Variants in DIAPH1 observed in about 807,000 individuals in gnomAD.
DIAPH1 encodes the protein protein diaphanous homolog 1.
Under a neutral mutation model 140.7 loss-of-function variants are expected in DIAPH1, and 46 were observed. The observed-to-expected ratio is 0.33, with a 90% CI of 0.26 to 0.42. The LOEUF is 0.42. DIAPH1 is among the 10% of genes least tolerant of loss of function. The pLI is 1.00. For missense variants in DIAPH1, 1,310 were observed against 1,558.7 expected, an observed-to-expected ratio of 0.84 and a Z score of 2.69; for synonymous variants, 565 against 551.6, an observed-to-expected ratio of 1.02 and a Z score of -0.34.
At chr5:141,562,616 A>C (rs71583652) in intron 18 of DIAPH1, among the ~76,000 whole-genome samples, 27,181 of 140,928 alleles carry the variant, frequency 0.19, 2,973 homozygotes, top group Admixed American at 0.31. Context: ...CAAAAAAAAA[A>C]AAACAAACAA....
chr5:141,612,115 C>T (rs544555808), intron 1 of DIAPH1, among the ~76,000 whole-genome samples: 1 of 152,224 alleles, frequency 6.6e-6, no homozygotes, highest in Non-Finnish European at 1.5e-5. Flanking sequence ...ACTGAGATAT[C>T]ATCACATACC....
chr5:141,527,699 T>TAAAAAAA lies in DIAPH1; in HGVS notation c.3149-9_3149-3dup, dbSNP rs79558427. 283 of 1,131,890 alleles carry TAAAAAAA rather than the reference T, an allele frequency of 2.5e-4. No individual in the cohort carries two copies. Among genetic ancestry groups the TAAAAAAA allele is most frequent in the African/African-American group, 3.9e-4 (16 of 40,898 alleles). 70.1% of individuals were successfully genotyped at this position (1,131,890 alleles called of 1,614,324 possible). On this transcript the variant is annotated splice_polypyrimidine_tract_variant and splice_region_variant and intron_variant, in intron 23 of 27. Coordinates refer to ENST00000389054, the MANE Select transcript of DIAPH1 (RefSeq NM_005219.5). ...TCTTTTGCAAGTTTTCAGCAGAAACTAAAAAAAAAAAAAAAAAAAAAAACC... is the reference window on the plus strand; with the variant it reads ...TCTTTTGCAAGTTTTCAGCAGAAACTAAAAAAAAAAAAAAAAAAAAAAAAAAAAAACC...
At chr5:141,537,149 CAG>C (rs1004695944) in intron 18 of DIAPH1, among the ~76,000 whole-genome samples, 1 of 151,890 alleles carries the variant, frequency 6.6e-6, no homozygotes, top group South Asian at 2.1e-4. Context: ...GCCTGGATGA[CAG>C]AGAGAGTCCC....
In DIAPH1 at chr5:141,571,938, C is replaced by T. The variant is rs201900613; in HGVS notation, c.2461G>A (p.Ala821Thr). 4 of 1,613,216 alleles carry T rather than the reference C, an allele frequency of 2.5e-6. No individual in the cohort carries two copies. Among genetic ancestry groups the T allele is most frequent in the Non-Finnish European group, 3.4e-6 (4 of 1,179,186 alleles). Residue 821 changes from alanine to threonine, a missense_variant, in exon 17 of 28, where the codon GCC (alanine) becomes ACC (threonine). Ala to Thr is a moderately conservative substitution (Grantham distance 58). Coordinates refer to ENST00000389054, the MANE Select transcript of DIAPH1 (RefSeq NM_005219.5). ...GGAAGGTACTCACTCTTGGTCTGGGCAGAGAAGGTAAGGGTAAGTTTGGCG... is the reference window on the plus strand; with the variant it reads ...GGAAGGTACTCACTCTTGGTCTGGGTAGAGAAGGTAAGGGTAAGTTTGGCG... ...LFAKLTLTFS[A>T]QTKTSKAKKD...
chr5:141,520,520 A>C (rs2099886355), intron 27 of DIAPH1, among the ~76,000 whole-genome samples: 1 of 151,976 alleles, frequency 6.6e-6, no homozygotes, highest in African/African-American at 2.4e-5. Flanking sequence ...CTTGTGATAC[A>C]CCTTCTCCCC....
intron 19 of DIAPH1, among the ~76,000 whole-genome samples, chr5:141,533,614 A>AG (rs1227952018): frequency 6.6e-6 from 1 of 152,142 alleles, no homozygotes; most frequent in East Asian, 1.9e-4. Context: ...TGTGAGGCTG[A>AG]GGTGGGCAGA....
chr5:141,579,897 G>A (rs560634464), intron 8 of DIAPH1, among the ~76,000 whole-genome samples: 30 of 150,492 alleles, frequency 2.0e-4, no homozygotes, highest in Admixed American at 1.7e-3. Flanking sequence ...GCAGTGGGCC[G>A]AGATCGCGCC....
At chr5:141,575,852 G>A (rs1236098971) in intron 14 of DIAPH1, among the ~76,000 whole-genome samples, 1 of 152,116 alleles carries the variant, frequency 6.6e-6, no homozygotes, top group African/African-American at 2.4e-5. Context: ...CTTAAAAACT[G>A]AAGAGAAAAA....
At chr5:141,586,917 A>G (rs768647898) in intron 3 of DIAPH1, 125 bp downstream of exon 3, 1 of 996,196 alleles carries the variant, frequency 1.0e-6, no homozygotes, top group South Asian at 1.3e-5. Context: ...TTAATATTAA[A>G]AAGTTCCATG....
intron 26 of DIAPH1, among the ~76,000 whole-genome samples, chr5:141,525,165 AT>A (rs1273270604): frequency 6.6e-6 from 1 of 152,190 alleles, no homozygotes; most frequent in Non-Finnish European, 1.5e-5. Flanking sequence ...GGGCAAGGAA[AT>A]TGCTTTACAG....
chr5:141,606,429 C>A (rs1194728614), intron 1 of DIAPH1, among the ~76,000 whole-genome samples: 1 of 152,168 alleles, frequency 6.6e-6, no homozygotes, highest in Non-Finnish European at 1.5e-5. Context: ...GAGTCTCGCT[C>A]TGTCGCCCAG....
At chr5:141,562,416 A>C (rs1002615975) in intron 18 of DIAPH1, among the ~76,000 whole-genome samples, 3 of 152,114 alleles carry the variant, frequency 2.0e-5, no homozygotes, top group African/African-American at 7.2e-5. Flanking sequence ...TGTTTTGGTA[A>C]GAGGAAGGAC....
At chr5:141,536,505 A>C (rs1301889640) in intron 18 of DIAPH1, among the ~76,000 whole-genome samples, 1 of 152,144 alleles carries the variant, frequency 6.6e-6, no homozygotes, top group African/African-American at 2.4e-5. Flanking sequence ...AAAATAAATA[A>C]ACTAGACCAT....
At position 141,545,036 on chromosome 5, in the gene DIAPH1, T is replaced by C. The variant is rs190457040; in HGVS notation, c.2483-10603A>G. On this transcript the variant is annotated intron_variant, in intron 18 of 27. Transcript: ENST00000389054. ...CAGTGAATGGACATAATGGACATTA[T>C]GCTAAAATCAAAGAATCCAGACTGA... Among the ~76,000 whole-genome samples the C allele has an allele frequency of 7.2e-5, 11 of 152,298 alleles. No homozygotes were observed. The East Asian group carries it at 2.1e-3, about 29-fold the overall frequency.
chr5:141,524,318 C>T, intron 26 of DIAPH1, 89 bp from the exon 27 acceptor site: 1 of 1,234,976 alleles, frequency 8.1e-7, no homozygotes, highest in Non-Finnish European at 1.2e-6. Flanking sequence ...ATGGCTATTG[C>T]TTGATTTCCC....
chr5:141,618,576 G>A, intron 1 of DIAPH1: 2 of 455,102 alleles, frequency 4.4e-6, no homozygotes, highest in Non-Finnish European at 8.1e-6. Flanking sequence ...GGGAACGAGG[G>A]AAGCCCCGAG....
chr5:141,571,823 C>T, intron 17 of DIAPH1, 103 bp downstream of exon 17: 1 of 859,058 alleles, frequency 1.2e-6, no homozygotes, highest in South Asian at 1.3e-5. Context: ...ATCCAACATA[C>T]CCTTTCTATC....
intron 27 of DIAPH1, among the ~76,000 whole-genome samples, chr5:141,521,793 G>C (rs1004696132): frequency 6.6e-6 from 1 of 152,122 alleles, no homozygotes; most frequent in Non-Finnish European, 1.5e-5. Flanking sequence ...ATAGCCAGTG[G>C]AGCCTTTGTA....
intron 27 of DIAPH1, chr5:141,518,989 G>A: frequency 1.9e-6 from 3 of 1,550,678 alleles, no homozygotes; most frequent in Non-Finnish European, 2.6e-6. Context: ...AGGGGCACAA[G>A]AGGTTGTCTA....
Sources: allele counts gnomAD v4.1 joint callset (sites outside exome capture counted in the v4.1 genomes callset), GRCh38; gene constraint gnomAD v4.1.1; transcripts MANE v1.5; gene names NCBI Gene and HGNC (gene_info 2026-07-23, HGNC 2026-07-21).